Variants in VEGFD observed in about 807,000 individuals in gnomAD.
VEGFD encodes vascular endothelial growth factor D.
Under a neutral mutation model 28.0 loss-of-function variants are expected in VEGFD, and 26 were observed. The ratio of observed to expected loss-of-function variants is 0.93; its 90% confidence interval spans 0.68 to 1.29. The LOEUF is 1.29. Among genes scored for constraint, VEGFD ranks in the 50% most tolerant of loss-of-function variants. The pLI is 0.00. For synonymous variants in VEGFD, 93 were observed against 95.5 expected, an observed-to-expected ratio of 0.97 and a Z score of 0.15; for missense variants, 294 against 273.4, an observed-to-expected ratio of 1.08 and a Z score of -0.53.
intron 4 of VEGFD, among the ~76,000 whole-genome samples, chrX:15,354,507 A>G (rs920137060): frequency 2.7e-5 from 3 of 111,616 alleles, no homozygotes; most frequent in African/African-American, 9.8e-5. Flanking sequence ...CTTTTCATTC[A>G]GTTACCCTTT....
intron 5 of VEGFD, among the ~76,000 whole-genome samples, chrX:15,350,455 G>A (rs1569183100): frequency 8.9e-6 from 1 of 112,745 alleles, no homozygotes; most frequent in African/African-American, 3.2e-5. Context: ...GCCAATGAAC[G>A]GTCTACAGGG....
intron 1 of VEGFD, among the ~76,000 whole-genome samples, chrX:15,365,869 A>G (rs116370216): frequency 0.01 from 1,165 of 111,611 alleles, 13 homozygotes; most frequent in African/African-American, 0.036. Flanking sequence ...CAACTCTCCA[A>G]TTGTTGTGAG....
At chrX:15,367,427 T>C (rs1923173964) in intron 1 of VEGFD, among the ~76,000 whole-genome samples, 1 of 112,006 alleles carries the variant, frequency 8.9e-6, no homozygotes, top group African/African-American at 3.2e-5. Context: ...CTGGCAGCTT[T>C]GAAATTCAAT....
chrX:15,370,782 CTTTTTTCTTTCTTTCTTTTTT>C (rs1207546994), intron 1 of VEGFD, among the ~76,000 whole-genome samples: 1 of 110,519 alleles, frequency 9.0e-6, no homozygotes, highest in East Asian at 2.8e-4. Flanking sequence ...ATTTCTTTTT[CTTTTTTCTTTCTTTCTTTTTT>C]TTTTGGCTGA....
Position 15,355,195 on chromosome X carries a change from G to A in VEGFD, c.596C>T (p.Pro199Leu), listed in dbSNP as rs1922834353. The change falls in exon 4 of 7, where the codon CCA becomes CTA. Residue 199 changes from proline (P) to leucine (L), a missense_variant. Coordinates refer to ENST00000297904, the MANE Select transcript of VEGFD (RefSeq NM_004469.5). ...GATGGATCTTCTGATAATTGAGTAT[G>A]GATGGCGGGGGGCTGTTGGCAAGCA... ...CKCLPTAPRH[P>L]YSIIRRSIQI... is the part of the protein sequence containing the mutation. 8.3e-7 allele frequency: 1 copy of A among 1,205,372 alleles called. No homozygotes were observed. The highest frequency in any genetic ancestry group is 1.1e-6 in the Non-Finnish European group (1 of 893,277).
At chrX:15,372,919 C>T (rs1017085412) in intron 1 of VEGFD, among the ~76,000 whole-genome samples, 4 of 111,650 alleles carry the variant, frequency 3.6e-5, no homozygotes, top group African/African-American at 1.3e-4. Context: ...CCAACCTGTA[C>T]GACTTTTTCA....
intron 1 of VEGFD, among the ~76,000 whole-genome samples, chrX:15,364,687 T>C (rs970301858): frequency 4.4e-4 from 49 of 111,202 alleles, no homozygotes; most frequent in Non-Finnish European, 5.1e-4. Context: ...TTTGTAGAGC[T>C]GGGATGAGGG....
chrX:15,377,655 T>C (rs1231473803), intron 1 of VEGFD, among the ~76,000 whole-genome samples: 2 of 112,124 alleles, frequency 1.8e-5, no homozygotes, highest in Non-Finnish European at 3.8e-5. Flanking sequence ...TCTGAGCGCA[T>C]GGTGGGATTG....
intron 6 of VEGFD, 44 bp downstream of exon 6, chrX:15,347,120 C>T (rs763134314): frequency 5.3e-6 from 6 of 1,124,803 alleles, no homozygotes; most frequent in South Asian, 4.1e-5. Context: ...ATGGCATCTA[C>T]GTTAAATGTC....
intron 1 of VEGFD, among the ~76,000 whole-genome samples, chrX:15,379,035 C>A (rs1250201780): frequency 9.0e-6 from 1 of 111,374 alleles, no homozygotes. Context: ...TGATGGTTGC[C>A]TCTGTCTCTC....
Position 15,363,244 on chromosome X carries a change from T to G in VEGFD, c.166A>C (p.Ile56Leu). 6 of 1,211,195 alleles carry G rather than the reference T, an allele frequency of 5.0e-6. No homozygotes were observed. Among genetic ancestry groups the G allele is most frequent in the Non-Finnish European group, 6.7e-6 (6 of 895,036 alleles). ...AGCTTCCAGTCCTCAGAGTGAGTAA[T>G]TCGAAGTAGTTCCTCCAAACTAGAA... ...AASSLEELLR[I>L]THSEDWKLWR... is the part of the protein sequence containing the mutation. The change falls in exon 2 of 7, where the codon ATT (isoleucine) becomes CTT (leucine). Residue 56 changes from isoleucine to leucine, a missense_variant. Coordinates refer to ENST00000297904, the MANE Select transcript of VEGFD (RefSeq NM_004469.5).
At chrX:15,374,332 T>C (rs374171217) in intron 1 of VEGFD, among the ~76,000 whole-genome samples, 1 of 112,209 alleles carries the variant, frequency 8.9e-6, no homozygotes, top group African/African-American at 3.2e-5. Flanking sequence ...TTATGTGTCA[T>C]TCAATGGGTG....
At chrX:15,354,136 T>C (rs1602222795) in intron 4 of VEGFD, among the ~76,000 whole-genome samples, 1 of 91,638 alleles carries the variant, frequency 1.1e-5, no homozygotes. Flanking sequence ...ACCCGGCTAA[T>C]TTTTTTTTAT....
intron 1 of VEGFD, among the ~76,000 whole-genome samples, chrX:15,368,035 G>GAAAGGAAAGAAGA (rs778478507): frequency 2.9e-4 from 11 of 37,443 alleles, no homozygotes; most frequent in African/African-American, 1.0e-3. Context: ...AGAAAGGAAA[G>GAAAGGAAAGAAGA]AAGAAAGAAA....
intron 6 of VEGFD, among the ~76,000 whole-genome samples, chrX:15,346,704 C>T (rs957459568): frequency 1.8e-5 from 2 of 111,870 alleles, no homozygotes; most frequent in African/African-American, 6.5e-5. Context: ...GAGGCCGAGA[C>T]GGGTGGATCA....
intron 1 of VEGFD, among the ~76,000 whole-genome samples, chrX:15,363,771 G>C (rs1375385382): frequency 1.8e-5 from 2 of 112,110 alleles, no homozygotes; most frequent in African/African-American, 6.5e-5. Context: ...AGAAGACAGG[G>C]ACACAGAGGA....
At chrX:15,360,305 T>G (rs934602745) in intron 2 of VEGFD, among the ~76,000 whole-genome samples, 3 of 110,783 alleles carry the variant, frequency 2.7e-5, no homozygotes, top group South Asian at 3.8e-4. Flanking sequence ...TTTTTTTTAT[T>G]TTTTTCCTCA....
intron 3 of VEGFD, 113 bp downstream of exon 3, chrX:15,357,890 G>A (rs1018205478): frequency 1.1e-5 from 7 of 628,564 alleles, no homozygotes; most frequent in Non-Finnish European, 1.7e-5. Flanking sequence ...AAGATTAAAT[G>A]CGATTATGCA....
intron 2 of VEGFD, among the ~76,000 whole-genome samples, chrX:15,362,817 A>G (rs1202521746): frequency 2.7e-5 from 3 of 111,540 alleles, no homozygotes; most frequent in African/African-American, 9.8e-5. Context: ...TTGTTTTTCT[A>G]TTGAGAACAA....
Sources: gnomAD v4.1 joint callset for allele counts (sites outside exome capture counted in the v4.1 genomes callset) on GRCh38, gnomAD v4.1.1 for gene constraint, MANE v1.5 for transcripts, NCBI Gene and HGNC (gene_info 2026-07-23, HGNC 2026-07-21) for gene names.